The following NAV3 variants were observed in gnomAD, a reference collection of about 807,000 sequenced individuals.
NAV3 encodes the protein pore membrane and/or filament interacting like protein 1.
In NAV3, 87 loss-of-function variants were observed where a neutral mutation model predicts 244.7. The observed-to-expected ratio is 0.36, with a 90% CI of 0.30 to 0.42. NAV3 has a LOEUF of 0.42. Among genes scored for constraint, NAV3 ranks in the 20% least tolerant of loss-of-function variants. The pLI, the probability that NAV3 is intolerant of heterozygous loss-of-function variation, is 1.00. For synonymous variants in NAV3, 1,126 were observed against 1,042.2 expected (o/e 1.08, Z -1.55); for missense variants, 2,663 against 2,893.3 (o/e 0.92, Z 1.83).
At chr12:77,688,428 C>A (rs2137146420) in intron 2 of NAV3, among the ~76,000 whole-genome samples, 1 of 151,996 alleles carries the variant, frequency 6.6e-6, no homozygotes, top group South Asian at 2.1e-4. Context: ...CTGTAAGTAC[C>A]ATGAGGATGA....
intron 2 of NAV3, among the ~76,000 whole-genome samples, chr12:77,714,919 C>T (rs967563783): frequency 3.9e-5 from 6 of 151,952 alleles, no homozygotes; most frequent in African/African-American, 1.2e-4. Flanking sequence ...TTTAGATTCA[C>T]GAAGTACCTT....
intron 2 of NAV3, among the ~76,000 whole-genome samples, chr12:77,823,817 G>C (rs1395007475): frequency 6.6e-6 from 1 of 151,940 alleles, no homozygotes; most frequent in African/African-American, 2.4e-5. Context: ...CAGAGGTGAT[G>C]GAATTAGCAG....
chr12:78,140,154 C>A, intron 19 of NAV3, 128 bp from the exon 20 acceptor site: 1 of 746,308 alleles, frequency 1.3e-6, no homozygotes. Flanking sequence ...GGCTGGTTCT[C>A]AGAATCTTAT....
intron 1 of NAV3, among the ~76,000 whole-genome samples, chr12:77,929,114 T>C (rs1888518218): frequency 6.6e-6 from 1 of 152,208 alleles, no homozygotes; most frequent in Non-Finnish European, 1.5e-5. Context: ...CATATCAATG[T>C]AGTTTATTCA....
At chr12:78,189,962 AT>A in intron 33 of NAV3, 21 bp from the exon 34 acceptor site, 1 of 1,551,542 alleles carries the variant, frequency 6.4e-7, no homozygotes, top group Non-Finnish European at 8.9e-7. Context: ...AAATCATGCT[AT>A]TTTTTTGTTT....
intron 2 of NAV3, among the ~76,000 whole-genome samples, chr12:77,818,768 T>A (rs1872618714): frequency 6.6e-6 from 1 of 152,122 alleles, no homozygotes; most frequent in Non-Finnish European, 1.5e-5. Context: ...ATTCTGCATT[T>A]GAGGAAATCA....
At chr12:77,926,093 C>T (rs1888188538) in intron 1 of NAV3, among the ~76,000 whole-genome samples, 1 of 152,142 alleles carries the variant, frequency 6.6e-6, no homozygotes, top group African/African-American at 2.4e-5. Context: ...ACTCCCTGTG[C>T]ACTGCATTTT....
chr12:77,768,220 C>T (rs1869883184), intron 2 of NAV3, among the ~76,000 whole-genome samples: 1 of 152,198 alleles, frequency 6.6e-6, no homozygotes, highest in Non-Finnish European at 1.5e-5. Context: ...CTGGAAAAAG[C>T]ACCATAAGTT....
chr12:77,882,271 T>A (rs1677910), intron 1 of NAV3, among the ~76,000 whole-genome samples: 20,533 of 151,926 alleles, frequency 0.14, 1,491 homozygotes, highest in East Asian at 0.22. Flanking sequence ...TCAGAAATAA[T>A]ACTGCATACC....
intron 2 of NAV3, among the ~76,000 whole-genome samples, chr12:77,822,466 T>C (rs554760186): frequency 6.6e-6 from 1 of 152,296 alleles, no homozygotes; most frequent in East Asian, 1.9e-4. Flanking sequence ...CTAATACTTC[T>C]TTATGCATCC....
At chr12:77,837,446 C>G (rs1367937976) in intron 1 of NAV3, among the ~76,000 whole-genome samples, 2 of 151,978 alleles carry the variant, frequency 1.3e-5, no homozygotes, top group African/African-American at 2.4e-5. Context: ...GGCTGTATGT[C>G]AGGTACTGGG....
chr12:77,905,415 T>G (rs1051287491), intron 1 of NAV3, among the ~76,000 whole-genome samples: 1 of 152,100 alleles, frequency 6.6e-6, no homozygotes, highest in Non-Finnish European at 1.5e-5. Flanking sequence ...ACTATAAAAT[T>G]TTAAAAATAG....
rs1008721635 is a variant in NAV3, at chr12:77,665,853, G to T, written c.72+93587G>T. Reference sequence around the variant, plus strand: ...ATTCCACTTCAAGTTAATATAGTTTGCCTGGAATCACAAAAGAAATGTTAT... The same window carrying T: ...ATTCCACTTCAAGTTAATATAGTTTTCCTGGAATCACAAAAGAAATGTTAT... On this transcript the variant is annotated intron_variant, in intron 2 of 8. Transcript: ENST00000550042. 6.6e-5 allele frequency among the ~76,000 whole-genome samples: 10 copies of T among 152,196 alleles called. No individual in the cohort carries two copies. In the East Asian group the frequency reaches 1.5e-3, roughly 24 times the overall value.
intron 3 of NAV3, among the ~76,000 whole-genome samples, chr12:77,948,688 A>T (rs3953190): frequency 9.7e-5 from 13 of 134,246 alleles, no homozygotes; most frequent in Admixed American, 1.5e-4. Flanking sequence ...TTGCCCCCCC[A>T]CCACTGCCAA....
chr12:77,792,101 T>G (rs1871203433), intron 2 of NAV3, among the ~76,000 whole-genome samples: 1 of 152,188 alleles, frequency 6.6e-6, no homozygotes, highest in Non-Finnish European at 1.5e-5. Flanking sequence ...CCTTCCTCAC[T>G]CTGTATGCTG....
rs765965506 is a variant in NAV3 at position 77,966,307 on chromosome 12, A to G, written c.487+6A>G. ...TCAAGGTCTATCTGCTGAAGGTAAG[A>G]AAAAGAATGACTGAATTGTCACAAA... On this transcript the variant is annotated splice_donor_region_variant and intron_variant, in intron 4 of 39. Transcript: ENST00000397909. The G allele has an allele frequency of 1.2e-6, 2 of 1,606,332 alleles. No individual in the cohort carries two copies. Among genetic ancestry groups the G allele is most frequent in the Admixed American group, 1.7e-5 (1 of 59,032 alleles).
At chr12:77,873,297 G>T (rs972815389) in intron 1 of NAV3, among the ~76,000 whole-genome samples, 70 of 152,020 alleles carry the variant, frequency 4.6e-4, no homozygotes, top group African/African-American at 1.5e-3. Context: ...TTACTTTTTA[G>T]TATATTAGTA....
At chr12:77,865,700 C>T (rs369262616) in intron 1 of NAV3, among the ~76,000 whole-genome samples, 1 of 151,980 alleles carries the variant, frequency 6.6e-6, no homozygotes, top group East Asian at 1.9e-4. Flanking sequence ...ATATAACTCC[C>T]TATAATATAA....
chr12:77,799,127 C>G (rs146288589), intron 2 of NAV3, among the ~76,000 whole-genome samples: 1,572 of 152,218 alleles, frequency 0.01, 24 homozygotes, highest in South Asian at 0.029. Flanking sequence ...AGAGGGAATA[C>G]CCCAAAGTTC....
Sources: gnomAD v4.1 joint callset for allele counts (sites outside exome capture counted in the v4.1 genomes callset) on GRCh38, gnomAD v4.1.1 for gene constraint, MANE v1.5 for transcripts, NCBI Gene and HGNC (gene_info 2026-07-23, HGNC 2026-07-21) for gene names.